The following SYN3 variants were observed in gnomAD, a reference collection of about 807,000 sequenced individuals.
The protein encoded by SYN3 is synapsin-3.
A neutral mutation model predicts 65.8 loss-of-function variants in SYN3; 35 were observed. The observed-to-expected ratio is 0.53, with a 90% CI of 0.41 to 0.70. The LOEUF is 0.70. Among genes scored for constraint, SYN3 ranks in the 30% least tolerant of loss-of-function variants. The probability of loss-of-function intolerance (pLI) is 0.00; values close to 1 mark genes in which losing one functional copy is unlikely to be tolerated. For missense variants in SYN3, 680 were observed against 749.0 expected, an observed-to-expected ratio of 0.91 and a Z score of 1.08; for synonymous variants, 270 against 292.9, an observed-to-expected ratio of 0.92 and a Z score of 0.80.
chr22:32,730,415 C>T (rs996860856), intron 6 of SYN3, among the ~76,000 whole-genome samples: 4 of 152,192 alleles, frequency 2.6e-5, no homozygotes, highest in Non-Finnish European at 5.9e-5. Flanking sequence ...CTGCAGATTC[C>T]AGGATCTTCC....
chr22:32,644,068 T>C (rs1469446882), intron 6 of SYN3, among the ~76,000 whole-genome samples: 1 of 87,364 alleles, frequency 1.1e-5, no homozygotes, highest in African/African-American at 5.1e-5. Flanking sequence ...AGCGAGACTC[T>C]GCCTCAAAAA....
chr22:32,869,171 A>G (rs1473296841), intron 4 of SYN3, 46 bp from the exon 5 acceptor site: 8 of 1,587,908 alleles, frequency 5.0e-6, no homozygotes, highest in Non-Finnish European at 8.6e-7. Context: ...CATTGATGAA[A>G]CACCAGGGCA....
At chr22:32,520,123 G>A (rs918308221) in intron 12 of SYN3, among the ~76,000 whole-genome samples, 9 of 152,194 alleles carry the variant, frequency 5.9e-5, no homozygotes, top group Admixed American at 2.6e-4. Flanking sequence ...GTGTGTGTGC[G>A]TGTATATAGG....
Position 32,940,859 on chromosome 22 carries a change from C to T in SYN3, c.370-9378G>A, listed in dbSNP as rs148931135. On this transcript the variant is annotated intron_variant, in intron 3 of 13. Coordinates refer to ENST00000358763, the MANE Select transcript of SYN3 (RefSeq NM_003490.4). ...CAGGAGCAAAGGCAAGATAGGATGA[C>T]CATCCTCTGTCTCCTTAACCTACTG... 3.6e-3 allele frequency among the ~76,000 whole-genome samples: 553 copies of T among 152,276 alleles called. 3 individuals are homozygous for T. Among genetic ancestry groups the T allele is most frequent in the African/African-American group, 0.013 (530 of 41,550 alleles).
At chr22:32,920,831 G>A (rs557356367) in intron 4 of SYN3, among the ~76,000 whole-genome samples, 1 of 152,186 alleles carries the variant, frequency 6.6e-6, no homozygotes, top group East Asian at 1.9e-4. Flanking sequence ...GCCCCAGCAG[G>A]AGACTGGAAG....
At chr22:32,845,323 A>C (rs1018269306) in intron 6 of SYN3, among the ~76,000 whole-genome samples, 2 of 151,946 alleles carry the variant, frequency 1.3e-5, no homozygotes, top group African/African-American at 2.4e-5. Context: ...CAGCCTCCCA[A>C]GTAGCTGGGA....
intron 1 of SYN3, among the ~76,000 whole-genome samples, chr22:33,036,825 G>T (rs1025194187): frequency 2.6e-5 from 4 of 151,824 alleles, no homozygotes; most frequent in Non-Finnish European, 5.9e-5. Flanking sequence ...CTGAGTAGCT[G>T]GGATTACAAG....
intron 2 of SYN3, among the ~76,000 whole-genome samples, chr22:33,000,341 A>G (rs1337165285): frequency 6.6e-6 from 1 of 152,148 alleles, no homozygotes; most frequent in Admixed American, 6.5e-5. Flanking sequence ...AGGAGAGAGT[A>G]TCTTTAAATG....
intron 7 of SYN3, among the ~76,000 whole-genome samples, chr22:32,586,695 G>A (rs1025640059): frequency 6.6e-6 from 1 of 152,128 alleles, no homozygotes; most frequent in African/African-American, 2.4e-5. Context: ...GCAGGTCCGT[G>A]AATGGCCACA....
intron 6 of SYN3, among the ~76,000 whole-genome samples, chr22:32,708,444 T>C (rs2060909699): frequency 6.6e-6 from 1 of 152,210 alleles, no homozygotes; most frequent in Non-Finnish European, 1.5e-5. Context: ...GGAGGTGTAC[T>C]TCTCTGCTGG....
intron 4 of SYN3, among the ~76,000 whole-genome samples, chr22:32,875,645 G>A (rs1427380): frequency 1.3e-5 from 2 of 152,170 alleles, no homozygotes; most frequent in African/African-American, 2.4e-5. Context: ...AGGGAAATTC[G>A]GAAACAGACA....
chr22:32,804,432 T>C (rs2046671015), intron 6 of SYN3, among the ~76,000 whole-genome samples: 1 of 152,320 alleles, frequency 6.6e-6, no homozygotes, highest in Non-Finnish European at 1.5e-5. Context: ...TCCCCATTCC[T>C]TGGGACCCAC....
intron 1 of SYN3, among the ~76,000 whole-genome samples, chr22:33,031,985 G>GGAAC (rs1310089879): frequency 6.6e-6 from 1 of 152,264 alleles, no homozygotes; most frequent in East Asian, 1.9e-4. Context: ...CGAGGCAGAT[G>GGAAC]GATCACCTGA....
At chr22:33,015,840 C>CTTTTTTTTTT (rs758927603) in intron 1 of SYN3, among the ~76,000 whole-genome samples, 1 of 139,982 alleles carries the variant, frequency 7.1e-6, no homozygotes, top group Non-Finnish European at 1.5e-5. Flanking sequence ...GGCAAATTTT[C>CTTTTTTTTTT]TTTTCTTTTT....
At chr22:32,914,120 C>T (rs1358352532) in intron 4 of SYN3, among the ~76,000 whole-genome samples, 6 of 152,158 alleles carry the variant, frequency 3.9e-5, no homozygotes, top group South Asian at 4.1e-4. Flanking sequence ...CAGCAAGATT[C>T]GTTAACTTGT....
chr22:32,905,360 A>G (rs1169676193), intron 4 of SYN3, among the ~76,000 whole-genome samples: 1 of 152,210 alleles, frequency 6.6e-6, no homozygotes, highest in Non-Finnish European at 1.5e-5. Flanking sequence ...TGGGAGGACA[A>G]AAACCACACT....
intron 6 of SYN3, among the ~76,000 whole-genome samples, chr22:32,609,465 TC>T (rs2059412461): frequency 6.7e-6 from 1 of 149,406 alleles, no homozygotes; most frequent in African/African-American, 2.5e-5. Flanking sequence ...AGTGATGACA[TC>T]CTGCCTGGTG....
intron 7 of SYN3, chr22:32,583,365 C>A (rs1386380393): frequency 6.6e-6 from 1 of 152,222 alleles, no homozygotes; most frequent in Non-Finnish European, 1.5e-5. Flanking sequence ...CCCTGTGCCC[C>A]ACGCCTCAGT....
intron 3 of SYN3, among the ~76,000 whole-genome samples, chr22:32,950,341 A>G (rs1601766775): frequency 1.3e-5 from 2 of 152,206 alleles, no homozygotes; most frequent in Admixed American, 1.3e-4. Context: ...AGGAATCACA[A>G]TGCCACATTT....
Sources: gnomAD v4.1 joint callset for allele counts (sites outside exome capture counted in the v4.1 genomes callset) on GRCh38, gnomAD v4.1.1 for gene constraint, MANE v1.5 for transcripts, NCBI Gene and HGNC (gene_info 2026-07-23, HGNC 2026-07-21) for gene names.